PIH1D1: variants seen among roughly 807,000 people sequenced by gnomAD.
PIH1D1 encodes the protein PIH1 domain containing 1.
PIH1D1 carries 28 observed loss-of-function variants against 38.5 expected under a neutral mutation model. That is an observed-to-expected ratio of 0.73 (90% CI 0.54 to 1.00). PIH1D1 has a LOEUF of 1.00. Among genes scored for constraint, PIH1D1 ranks in the 50% least tolerant of loss-of-function variants. The pLI is 0.00. For missense variants in PIH1D1, 343 were observed against 369.9 expected (o/e 0.93, Z 0.60); for synonymous variants, 155 against 153.5 (o/e 1.01, Z -0.07).
At chr19:49,450,073 C>G (rs2079049113) in intron 2 of PIH1D1, among the ~76,000 whole-genome samples, 1 of 151,272 alleles carries the variant, frequency 6.6e-6, no homozygotes, top group Non-Finnish European at 1.5e-5. Context: ...GGGCTCCCGG[C>G]CCCCTCTCTT....
intron 1 of PIH1D1, 142 bp from the exon 2 acceptor site, chr19:49,450,990 G>T: frequency 2.8e-5 from 36 of 1,278,678 alleles, no homozygotes; most frequent in Middle Eastern, 2.2e-4. Context: ...TCTCCTTTGA[G>T]AACTAGAAGA....
At chr19:49,448,450 C>T (rs2079038271) in intron 3 of PIH1D1, 1 of 294,324 alleles carries the variant, frequency 3.4e-6, no homozygotes, top group Non-Finnish European at 6.6e-6. Flanking sequence ...TTCTTTCAGT[C>T]ACTCTCCATT....
Position 49,447,016 on chromosome 19 carries a change from A to G in PIH1D1, c.687+8T>C. On this transcript the variant is annotated splice_region_variant and intron_variant, in intron 7 of 8. Transcript: ENST00000262265. The stretch of plus-strand genomic sequence containing the variant: ...TTCCCCTGCTCTGGTCCAGCGCGCA[A>G]AACTCACCAGTTTGGGGAGGTCAAC... 3 of 1,610,548 alleles carry G rather than the reference A, an allele frequency of 1.9e-6. No homozygotes were observed. The highest frequency in any genetic ancestry group is 1.7e-5 in the Admixed American group (1 of 59,880).
At chr19:49,451,196 AT>A (rs2079057436) in intron 1 of PIH1D1, among the ~76,000 whole-genome samples, 1 of 151,122 alleles carries the variant, frequency 6.6e-6, no homozygotes, top group Admixed American at 6.6e-5. Context: ...CGCCCGGCTA[AT>A]TTTTTGTATT....
intron 5 of PIH1D1, 169 bp from the exon 6 acceptor site, chr19:49,447,636 G>T: frequency 1.1e-6 from 1 of 934,434 alleles, no homozygotes; most frequent in Non-Finnish European, 1.6e-6. Context: ...CCCCTCCCAT[G>T]ATATGCCCCA....
In PIH1D1 at chr19:49,449,672, G is replaced by A; in HGVS notation, c.158-18C>T. On this transcript the variant is annotated intron_variant, in intron 2 of 8. Transcript: ENST00000262265. ...GCAGAAACCTGGTGGGAGTGGGTTA[G>A]TCATGACAATCCTTTTCTGCACAAG... 2 of 1,606,044 alleles carry A rather than the reference G, an allele frequency of 1.2e-6. No homozygotes were observed. The highest frequency in any genetic ancestry group is 2.7e-5 in the African/African-American group (2 of 74,876).
chr19:49,451,773 T>C lies in PIH1D1; in HGVS notation c.-199A>G. 7.2e-7 allele frequency: 1 copy of C among 1,397,596 alleles called. No individual in the cohort carries two copies. Among genetic ancestry groups the C allele is most frequent in the Non-Finnish European group, 9.3e-7 (1 of 1,073,584 alleles). 86.6% of individuals were successfully genotyped at this position (1,397,596 alleles called of 1,614,324 possible). On this transcript the variant is annotated 5_prime_UTR_variant, in exon 1 of 9. Transcript: ENST00000262265. ...GTCAAATCCGTGGGGAATATGTGTCTCTAGACGCACTACCCTCCGTCCTAC... is the reference window on the plus strand; with the variant it reads ...GTCAAATCCGTGGGGAATATGTGTCCCTAGACGCACTACCCTCCGTCCTAC...
At position 49,450,825 on chromosome 19, in the gene PIH1D1, G is replaced by T. The variant is rs1469674297; in HGVS notation, c.114C>A (p.Ala38=). 6.2e-7 allele frequency: 1 copy of T among 1,613,312 alleles called. No homozygotes were observed. Among genetic ancestry groups the T allele is most frequent in the Admixed American group, 1.7e-5 (1 of 59,964 alleles). Residue 38 remains alanine (A), a synonymous_variant, in exon 2 of 9, where the codon GCC becomes GCA. Transcript: ENST00000262265. The stretch of plus-strand genomic sequence containing the variant: ...GTGTCGATTCTGGTCTGGTTGTCTG[G>T]GCTTGCTGGAGCTCCTTCGAGGCCT... ...LLQASKELQQ[A]QTTRPESTQI...
chr19:49,451,695 A>G lies in PIH1D1; in HGVS notation c.-121T>C. ...ACTCCGGATACCTACTATCCTGTTC[A>G]AAAACCTAAGACTGGCCTAAGACTA... On this transcript the variant is annotated 5_prime_UTR_variant, in exon 1 of 9. The change abolishes the stop of an existing upstream ORF in the 5' untranslated region. Coordinates refer to ENST00000262265, the MANE Select transcript of PIH1D1 (RefSeq NM_017916.3). The G allele has an allele frequency of 6.8e-7, 1 of 1,473,252 alleles. No individual in the cohort carries two copies. 91.3% of individuals were successfully genotyped at this position (1,473,252 alleles called of 1,614,324 possible). A position where few individuals can be genotyped will look rare whatever the true frequency, so the allele number is the denominator to read the frequency against.
At chr19:49,450,222 C>A (rs1428778563) in intron 2 of PIH1D1, among the ~76,000 whole-genome samples, 1 of 152,070 alleles carries the variant, frequency 6.6e-6, no homozygotes, top group East Asian at 1.9e-4. Context: ...TCGTGAGTAG[C>A]TATGACTACA....
Position 49,447,860 on chromosome 19 carries a change from G to T in PIH1D1, c.448C>A (p.Leu150Ile). ...ELVITIAREG[L>I]EDKYNLQLNP... Reference sequence around the variant, plus strand: ...AGCTGCAAGTTGTATTTGTCCTCAAGGCCCTCCCTGGCGATGGTGATCACG... The same window carrying T: ...AGCTGCAAGTTGTATTTGTCCTCAATGCCCTCCCTGGCGATGGTGATCACG... The change falls in exon 5 of 9, where the codon CTT becomes ATT. Residue 150 changes from leucine (L) to isoleucine (I), a missense_variant. Physicochemically the swap from Leu to Ile is conservative, Grantham distance 5. Transcript: ENST00000262265. 6.2e-7 allele frequency: 1 copy of T among 1,614,188 alleles called. No individual in the cohort carries two copies. The highest frequency in any genetic ancestry group is 8.5e-7 in the Non-Finnish European group (1 of 1,180,018).
chr19:49,451,539 G>A lies in PIH1D1; in HGVS notation c.36C>T (p.Ser12=). The A allele has an allele frequency of 8.1e-6, 13 of 1,613,676 alleles. No individual in the cohort carries two copies. The highest frequency in any genetic ancestry group is 1.1e-5 in the Non-Finnish European group (13 of 1,179,952). The part of the protein sequence containing the change: ...ANPKLLGMGL[S]EAEAIGADSA... ...AATCAGCACCGATCGCCTCCGCCTCGCTTAGCCCCATTCCCAGCAGCTTCG... is the reference window on the plus strand; with the variant it reads ...AATCAGCACCGATCGCCTCCGCCTCACTTAGCCCCATTCCCAGCAGCTTCG... Residue 12 remains serine, a synonymous_variant, in exon 1 of 9, where the codon AGC becomes AGT. Coordinates refer to ENST00000262265, the MANE Select transcript of PIH1D1 (RefSeq NM_017916.3).
In PIH1D1 at chr19:49,447,028, T is replaced by G; in HGVS notation, c.683A>C (p.Lys228Thr). 2 of 1,612,116 alleles carry G rather than the reference T, an allele frequency of 1.2e-6. No individual in the cohort carries two copies. The highest frequency in any genetic ancestry group is 1.1e-5 in the South Asian group (1 of 91,026). ...DLLLAEVDLP[K>T]LDGALGLSLE... ...GGTCCAGCGCGCAAAACTCACCAGT[T>G]TGGGGAGGTCAACTTCGGCCAAGAG... The change falls in exon 7 of 9, where the codon AAA (lysine) becomes ACA (threonine). Residue 228 changes from lysine to threonine, a missense_variant. Transcript: ENST00000262265.
intron 3 of PIH1D1, chr19:49,449,191 G>C (rs2079042997): frequency 1.7e-6 from 1 of 587,382 alleles, no homozygotes; most frequent in African/African-American, 1.8e-5. Context: ...AGCAGGCTCA[G>C]GACTAAAGCC....
intron 3 of PIH1D1, chr19:49,449,146 A>C: frequency 8.2e-6 from 2 of 245,226 alleles, no homozygotes; most frequent in South Asian, 9.3e-5. Flanking sequence ...CCATCACAAG[A>C]AAAAAAAAAA....
chr19:49,449,919 C>G (rs534974531), intron 2 of PIH1D1, among the ~76,000 whole-genome samples: 1 of 151,902 alleles, frequency 6.6e-6, no homozygotes, highest in South Asian at 2.1e-4. Context: ...CTCAGCCTCC[C>G]AAGTAGCTGG....
rs747642863 is a variant in PIH1D1, at chr19:49,448,106, G to A, written c.338-44C>T. 13 of 1,594,994 alleles carry A rather than the reference G, an allele frequency of 8.2e-6. No individual in the cohort carries two copies. In the African/African-American group the frequency reaches 1.1e-4, roughly 13 times the overall value. On this transcript the variant is annotated intron_variant, in intron 3 of 8. Coordinates refer to ENST00000262265, the MANE Select transcript of PIH1D1 (RefSeq NM_017916.3). ...GGTGAGGACCCCCCAGCCCTCTGCAGGAAGCCCACAGCCCAGACCCAGACA... is the reference window on the plus strand; with the variant it reads ...GGTGAGGACCCCCCAGCCCTCTGCAAGAAGCCCACAGCCCAGACCCAGACA...
At chr19:49,447,567 T>C in intron 5 of PIH1D1, 100 bp from the exon 6 acceptor site, 1 of 1,447,072 alleles carries the variant, frequency 6.9e-7, no homozygotes. Context: ...ACCAGGACTC[T>C]TGGGGTCTGA....
rs768090116 is a variant in PIH1D1 at position 49,447,084 on chromosome 19, G to T, written c.627C>A (p.His209Gln). 2.5e-6 allele frequency: 4 copies of T among 1,613,094 alleles called. No homozygotes were observed. Among genetic ancestry groups the T allele is most frequent in the South Asian group, 1.1e-5 (1 of 91,024 alleles). Residue 209 changes from histidine to glutamine, a missense_variant, in exon 7 of 9, where the codon CAC (histidine) becomes CAA (glutamine). Physicochemically the swap from His to Gln is conservative, Grantham distance 24. Coordinates refer to ENST00000262265, the MANE Select transcript of PIH1D1 (RefSeq NM_017916.3). ...CGGGGGCTTCCAGCCACAGGTTCAG[G>T]TGAGGCTTTTCAGGCCTGAGGAGGA... is the stretch of plus-strand genomic sequence containing the variant. ...GRAESGPEKP[H>Q]LNLWLEAPDL...
Sources: allele counts gnomAD v4.1 joint callset (sites outside exome capture counted in the v4.1 genomes callset), GRCh38; gene constraint gnomAD v4.1.1; transcripts MANE v1.5; gene names NCBI Gene and HGNC (gene_info 2026-07-23, HGNC 2026-07-21).